Variants in CDK5RAP2 observed in about 807,000 individuals in gnomAD.
CDK5RAP2 encodes CDK5 regulatory subunit associated protein 2.
A neutral mutation model predicts 232.9 loss-of-function variants in CDK5RAP2; 147 were observed. The observed-to-expected ratio is 0.63, with a 90% CI of 0.55 to 0.72. The LOEUF is 0.72. Ranked by LOEUF, CDK5RAP2 falls within the 30% of genes least tolerant of loss-of-function variation. The pLI, the probability that CDK5RAP2 is intolerant of heterozygous loss-of-function variation, is 0.00. For synonymous variants in CDK5RAP2, 833 were observed against 833.7 expected (o/e 1.00, Z 0.01); for missense variants, 2,195 against 2,231.5 (o/e 0.98, Z 0.33).
intron 12 of CDK5RAP2, among the ~76,000 whole-genome samples, chr9:120,518,210 TGA>T (rs146336954): frequency 0.019 from 844 of 43,770 alleles, 2 homozygotes; most frequent in South Asian, 0.03. Flanking sequence ...TGTGTGTGTG[TGA>T]GAGAGAGAGA....
At chr9:120,486,850 A>C (rs957460175) in intron 14 of CDK5RAP2, among the ~76,000 whole-genome samples, 1 of 152,212 alleles carries the variant, frequency 6.6e-6, no homozygotes, top group East Asian at 1.9e-4. Flanking sequence ...ACAAAGGCAC[A>C]GAGAGGTACA....
intron 12 of CDK5RAP2, among the ~76,000 whole-genome samples, chr9:120,500,524 G>A (rs2039525230): frequency 2.0e-5 from 3 of 152,180 alleles, no homozygotes; most frequent in African/African-American, 4.8e-5. Context: ...TTCTTCACAA[G>A]TGTTTGAATT....
chr9:120,573,621 C>T (rs1205114346), intron 1 of CDK5RAP2, among the ~76,000 whole-genome samples: 1 of 151,834 alleles, frequency 6.6e-6, no homozygotes, highest in African/African-American at 2.4e-5. Context: ...AGAATATGTC[C>T]TCAATTATGA....
intron 14 of CDK5RAP2, among the ~76,000 whole-genome samples, chr9:120,478,765 A>G (rs1161699387): frequency 6.6e-6 from 1 of 152,212 alleles, no homozygotes; most frequent in African/African-American, 2.4e-5. Flanking sequence ...TGGGCAACAG[A>G]GCAAGACCCT....
At chr9:120,461,977 T>C (rs1289795725) in intron 18 of CDK5RAP2, among the ~76,000 whole-genome samples, 5 of 152,278 alleles carry the variant, frequency 3.3e-5, no homozygotes, top group Admixed American at 2.0e-4. Flanking sequence ...TCCCTACATT[T>C]AGTCAATTAT....
chr9:120,463,327 C>T lies in CDK5RAP2; in HGVS notation c.2107-2660G>A, dbSNP rs144728309. 2.2e-3 allele frequency among the ~76,000 whole-genome samples: 336 copies of T among 152,216 alleles called. 2 individuals are homozygous for T. The highest frequency in any genetic ancestry group is 7.7e-3 in the African/African-American group (320 of 41,516). ...CGGAGCTTGCAGTGAGCTGAGATCGCGCCACTGCACTCCAGCCTGGGTGAC... is the reference window on the plus strand; with the variant it reads ...CGGAGCTTGCAGTGAGCTGAGATCGTGCCACTGCACTCCAGCCTGGGTGAC... On this transcript the variant is annotated intron_variant, in intron 18 of 37. Transcript: ENST00000349780.
intron 16 of CDK5RAP2, among the ~76,000 whole-genome samples, chr9:120,471,114 T>G (rs1406037954): frequency 1.3e-5 from 2 of 152,184 alleles, no homozygotes; most frequent in Non-Finnish European, 2.9e-5. Flanking sequence ...TCAAGAGATG[T>G]CAAACCTACC....
chr9:120,469,336 T>C (rs2037560999), intron 17 of CDK5RAP2, among the ~76,000 whole-genome samples: 1 of 152,168 alleles, frequency 6.6e-6, no homozygotes, highest in Non-Finnish European at 1.5e-5. Context: ...TACAGGCAAT[T>C]AGCCTCTCCT....
At chr9:120,490,233 G>C (rs537574658) in intron 13 of CDK5RAP2, among the ~76,000 whole-genome samples, 56 of 152,370 alleles carry the variant, frequency 3.7e-4, no homozygotes, top group African/African-American at 1.1e-3. Flanking sequence ...CTCACAGTGA[G>C]GTGCGCAGGT....
At chr9:120,392,818 C>G (rs763478525) in intron 36 of CDK5RAP2, among the ~76,000 whole-genome samples, 1 of 152,200 alleles carries the variant, frequency 6.6e-6, no homozygotes, top group Non-Finnish European at 1.5e-5. Flanking sequence ...CCTTCTCCCC[C>G]ACAGTCCTGA....
At chr9:120,429,903 A>G (rs753798661) in intron 25 of CDK5RAP2, among the ~76,000 whole-genome samples, 13 of 152,254 alleles carry the variant, frequency 8.5e-5, no homozygotes, top group Non-Finnish European at 1.6e-4. Context: ...TACTGGCACC[A>G]AAAGAGAGAT....
intron 19 of CDK5RAP2, among the ~76,000 whole-genome samples, chr9:120,459,632 T>C (rs986693952): frequency 6.6e-6 from 1 of 152,232 alleles, no homozygotes; most frequent in Non-Finnish European, 1.5e-5. Flanking sequence ...TATTTAAATA[T>C]CATAATCCTA....
In CDK5RAP2 at chr9:120,389,647, C is replaced by T. The variant is rs544124728; in HGVS notation, c.5625+94G>A. On this transcript the variant is annotated intron_variant, in intron 37 of 37. Transcript: ENST00000349780. Reference sequence around the variant, plus strand: ...TCTGAGGAGGACATGTCCCCTGGTTCCACCTGCACCTTCATTTTTCAAGAG... The same window carrying T: ...TCTGAGGAGGACATGTCCCCTGGTTTCACCTGCACCTTCATTTTTCAAGAG... 4.2e-6 allele frequency: 5 copies of T among 1,193,630 alleles called. No individual in the cohort carries two copies. In the East Asian group the frequency reaches 1.2e-4, roughly 28 times the overall value. The allele number at this position is 1,193,630 out of a possible 1,614,324, so 73.9% of individuals were successfully genotyped here.
At chr9:120,554,407 C>G (rs1043448266) in intron 3 of CDK5RAP2, among the ~76,000 whole-genome samples, 2 of 152,152 alleles carry the variant, frequency 1.3e-5, no homozygotes, top group African/African-American at 4.8e-5. Context: ...TTCTCAAAGT[C>G]ACTGTTCAAG....
intron 25 of CDK5RAP2, among the ~76,000 whole-genome samples, chr9:120,430,698 G>T (rs2035230533): frequency 1.3e-5 from 2 of 150,742 alleles, no homozygotes. Context: ...GTGGAAGTCA[G>T]TGTGGCGATT....
At chr9:120,478,589 T>C (rs1275534798) in intron 14 of CDK5RAP2, among the ~76,000 whole-genome samples, 2 of 151,938 alleles carry the variant, frequency 1.3e-5, no homozygotes, top group Admixed American at 6.6e-5. Context: ...CTGGGCAACA[T>C]AGTGAGACCC....
rs1171086566 is a variant in CDK5RAP2, at chr9:120,407,012, C to T, written c.4963G>A (p.Asp1655Asn). The T allele has an allele frequency of 7.5e-6, 12 of 1,609,692 alleles. No homozygotes were observed. The highest frequency in any genetic ancestry group is 2.2e-5 in the East Asian group (1 of 44,864). The change falls in exon 32 of 38, where the codon GAT becomes AAT. Residue 1655 changes from aspartate to asparagine, a missense_variant and splice_region_variant. Transcript: ENST00000349780. Reference protein sequence around the residue: ...PEVPLQPDKHDGDKYPMESDN... With the variant: ...PEVPLQPDKHNGDKYPMESDN... Reference sequence around the variant, plus strand: ...AAGTGGGGAGAGGCAGGGGCAGTACCGTGTTTGTCAGGCTGAAGGGGCACC... The same window carrying T: ...AAGTGGGGAGAGGCAGGGGCAGTACTGTGTTTGTCAGGCTGAAGGGGCACC...
chr9:120,549,277 G>A (rs1208561970), intron 4 of CDK5RAP2, among the ~76,000 whole-genome samples: 3 of 151,982 alleles, frequency 2.0e-5, no homozygotes, highest in Middle Eastern at 3.2e-3. Flanking sequence ...ACAAACACAC[G>A]CTTGCTTATA....
intron 5 of CDK5RAP2, among the ~76,000 whole-genome samples, chr9:120,540,527 T>C (rs914644167): frequency 6.6e-6 from 1 of 152,204 alleles, no homozygotes; most frequent in Non-Finnish European, 1.5e-5. Context: ...TTTATTAATA[T>C]CTTTTTTCTT....
Sources: gnomAD v4.1 joint callset for allele counts (sites outside exome capture counted in the v4.1 genomes callset) on GRCh38, gnomAD v4.1.1 for gene constraint, MANE v1.5 for transcripts, NCBI Gene and HGNC (gene_info 2026-07-23, HGNC 2026-07-21) for gene names.